BRD4: variants seen among roughly 807,000 people sequenced by gnomAD.
BRD4 encodes bromodomain containing 4.
BRD4 carries 16 observed loss-of-function variants against 142.1 expected under a neutral mutation model. The observed-to-expected ratio is 0.11, with a 90% CI of 0.08 to 0.17. The LOEUF is 0.17. BRD4 is among the 10% of genes least tolerant of loss of function. The probability of loss-of-function intolerance (pLI) is 1.00; values close to 1 mark genes in which losing one functional copy is unlikely to be tolerated. For synonymous variants in BRD4, 833 were observed against 707.5 expected, an observed-to-expected ratio of 1.18 and a Z score of -2.82; for missense variants, 1,424 against 1,810.9, an observed-to-expected ratio of 0.79 and a Z score of 3.88.
chr19:15,238,829 C>T lies in BRD4; in HGVS notation c.3934G>A (p.Ala1312Thr). The T allele has an allele frequency of 6.2e-7, 1 of 1,604,812 alleles. No individual in the cohort carries two copies. The highest frequency in any genetic ancestry group is 8.5e-7 in the Non-Finnish European group (1 of 1,175,688). Reference protein sequence around the residue: ...AAVAAAATPQAQSSQPQSMLD... With the variant: ...AAVAAAATPQTQSSQPQSMLD... ...ATGGACTGGGGCTGGGAGCTCTGGG[C>T]CTGTGGGGTGGCGGCGGCAGCCACC... Residue 1312 changes from alanine (A) to threonine (T), a missense_variant, in exon 19 of 20, where the codon GCC becomes ACC. Physicochemically the swap from Ala to Thr is moderately conservative, Grantham distance 58. Coordinates refer to ENST00000679869, the MANE Select transcript of BRD4 (RefSeq NM_001379291.1). This position sits in a 1 kb window ranked among gnomAD's most constrained non-coding sequence, Gnocchi z 7.2.
chr19:15,241,262 C>T (rs1224897367), intron 14 of BRD4, among the ~76,000 whole-genome samples: 22 of 152,348 alleles, frequency 1.4e-4, no homozygotes, highest in Non-Finnish European at 4.4e-5. Flanking sequence ...GATCCACAGG[C>T]ACATGACTGC....
chr19:15,304,537 G>A (rs977857236), intron 1 of BRD4, among the ~76,000 whole-genome samples: 2 of 152,228 alleles, frequency 1.3e-5, no homozygotes, highest in African/African-American at 4.8e-5. Flanking sequence ...CCTGCCAGGG[G>A]ATGTGCTGAG....
rs546892617 is a variant in BRD4, at chr19:15,265,725, C to T, written c.560-82G>A. 3.4e-4 allele frequency: 483 copies of T among 1,420,804 alleles called. 2 individuals carry two copies. Among genetic ancestry groups the T allele is most frequent in the Non-Finnish European group, 2.5e-4 (256 of 1,007,590 alleles). 88.0% of individuals were successfully genotyped at this position (1,420,804 alleles called of 1,614,324 possible). ...TGACCTCGTGGGGACATACACCACA[C>T]ACAGTGAACGCACATTCGCGTGTTG... On this transcript the variant is annotated intron_variant, in intron 4 of 19. Transcript: ENST00000679869.
rs550064008 is a variant in BRD4 at position 15,325,603 on chromosome 19, C to A, written c.-35+6687G>T. Among the ~76,000 whole-genome samples, 104 of 152,258 alleles carry A rather than the reference C, an allele frequency of 6.8e-4. 1 individual carries two copies. The highest frequency in any genetic ancestry group is 3.9e-3 in the South Asian group (19 of 4,820). On this transcript the variant is annotated intron_variant, in intron 1 of 19. Transcript: ENST00000679869. ...TAAAATCTCACCCCTATAAACAAGA[C>A]CCTGTCAAGCTCTGATTGGAGAAAT...
At chr19:15,298,599 C>A (rs1599500767) in intron 1 of BRD4, among the ~76,000 whole-genome samples, 2 of 105,820 alleles carry the variant, frequency 1.9e-5, no homozygotes, top group African/African-American at 7.5e-5. Flanking sequence ...CCAGCCTGGG[C>A]AACAGGGCGA....
At chr19:15,282,278 G>C (rs2047710611) in intron 1 of BRD4, among the ~76,000 whole-genome samples, 1 of 152,220 alleles carries the variant, frequency 6.6e-6, no homozygotes, top group Admixed American at 6.5e-5. Context: ...CCATTCCATA[G>C]ATTTCTAGAC....
intron 1 of BRD4, among the ~76,000 whole-genome samples, chr19:15,288,570 G>A (rs1182111343): frequency 6.6e-6 from 1 of 152,152 alleles, no homozygotes; most frequent in Non-Finnish European, 1.5e-5. Context: ...CACACCCTCC[G>A]CTGGCTTCTC....
chr19:15,262,082 G>A (rs923570960), intron 7 of BRD4, among the ~76,000 whole-genome samples: 3 of 152,192 alleles, frequency 2.0e-5, no homozygotes, highest in Admixed American at 1.3e-4. Context: ...GAGAATAGGA[G>A]AGACAGTGCC....
intron 1 of BRD4, among the ~76,000 whole-genome samples, chr19:15,284,315 A>G (rs1392320438): frequency 6.6e-6 from 1 of 152,196 alleles, no homozygotes; most frequent in Non-Finnish European, 1.5e-5. Context: ...GGAACGCAGA[A>G]TGTGACACTA....
rs45500091 is a variant in BRD4, at chr19:15,264,684, G to T, written c.932C>A (p.Pro311Gln). 3 of 1,613,494 alleles carry T rather than the reference G, an allele frequency of 1.9e-6. No homozygotes were observed. The South Asian group carries it at 3.3e-5, about 18-fold the overall frequency. ...DPIHEPPSLP[P>Q]EPKTTKLGQR... ...GCCCAGCTTGGTGGTCTTGGGCTCC[G>T]GGGGCAGCGAGGGTGGCTCGTGAAT... Residue 311 changes from proline to glutamine, a missense_variant, in exon 6 of 20, where the codon CCG (proline) becomes CAG (glutamine). This residue lies in a region of BRD4 where 86 missense variants were observed against 79.9 expected (regional missense o/e 1.08). Coordinates refer to ENST00000679869, the MANE Select transcript of BRD4 (RefSeq NM_001379291.1).
intron 1 of BRD4, among the ~76,000 whole-genome samples, chr19:15,301,567 C>CA (rs1166398252): frequency 0.031 from 3,224 of 102,484 alleles, 50 homozygotes; most frequent in Non-Finnish European, 0.045. Context: ...CGTCTCAAAA[C>CA]AAAAAAAAAA....
chr19:15,312,982 G>A (rs972787651), intron 1 of BRD4, among the ~76,000 whole-genome samples: 3 of 152,068 alleles, frequency 2.0e-5, no homozygotes, highest in African/African-American at 4.8e-5. Context: ...TGAGGTGAGA[G>A]GATAGCTTGA....
At chr19:15,278,135 A>AAAAAAAAAC (rs2047669029) in intron 1 of BRD4, among the ~76,000 whole-genome samples, 1 of 132,482 alleles carries the variant, frequency 7.5e-6, no homozygotes, top group Non-Finnish European at 1.6e-5. Context: ...AAAAAAAAAA[A>AAAAAAAAAC]AAAAATCAAA....
At chr19:15,249,130 C>A in intron 11 of BRD4, 5 of 1,346,192 alleles carry the variant, frequency 3.7e-6, no homozygotes, top group South Asian at 2.7e-5. Flanking sequence ...CATGACTAAT[C>A]CACCCCGGGG....
intron 1 of BRD4, among the ~76,000 whole-genome samples, chr19:15,288,397 T>C (rs2047756147): frequency 6.6e-6 from 1 of 151,924 alleles, no homozygotes; most frequent in South Asian, 2.1e-4. Flanking sequence ...AGACCACATC[T>C]CAAAAAATAA....
intron 2 of BRD4, among the ~76,000 whole-genome samples, 182 bp from the exon 3 acceptor site, chr19:15,269,224 G>A (rs979511822): frequency 1.3e-5 from 2 of 151,854 alleles, no homozygotes; most frequent in Non-Finnish European, 2.9e-5. Context: ...AAAGTGGAGC[G>A]GGGAAGGGTT....
At chr19:15,261,105 T>C (rs570105415) in intron 7 of BRD4, among the ~76,000 whole-genome samples, 11 of 151,960 alleles carry the variant, frequency 7.2e-5, no homozygotes, top group African/African-American at 2.7e-4. Context: ...CTCAAGAGAG[T>C]GGGAGAGAGG....
intron 1 of BRD4, chr19:15,331,974 G>GCGGCGCCCGCGCCCCCCAC (rs2048165257): frequency 2.1e-5 from 1 of 48,424 alleles, no homozygotes; most frequent in African/African-American, 8.4e-5. Flanking sequence ...CGGCCCCGCC[G>GCGGCGCCCGCGCCCCCCAC]CGGCGCCCGC....
In BRD4 at chr19:15,253,716, G is replaced by A. The variant is rs2047373971; in HGVS notation, c.2158+436C>T. The stretch of plus-strand genomic sequence containing the variant: ...ACCAGCGAAGCATCTCCCTGAAGCG[G>A]CCGCACTGCACGTGACTGTGATACG... On this transcript the variant is annotated intron_variant, in intron 11 of 19. Transcript: ENST00000679869. 3 of 1,598,464 alleles carry A rather than the reference G, an allele frequency of 1.9e-6. No individual in the cohort carries two copies. The East Asian group carries it at 6.7e-5, about 36-fold the overall frequency.
Sources: allele counts gnomAD v4.1 joint callset (sites outside exome capture counted in the v4.1 genomes callset), GRCh38; gene constraint gnomAD v4.1.1; regional missense constraint gnomAD v4.1.1; non-coding constraint Gnocchi (gnomAD v3.1); transcripts MANE v1.5; gene names NCBI Gene and HGNC (gene_info 2026-07-23, HGNC 2026-07-21).